ULK4: variants seen among roughly 807,000 people sequenced by gnomAD.
ULK4 encodes the protein unc-51 like kinase 4, also known as inactive serine/threonine-protein kinase ULK4.
In ULK4, 133 loss-of-function variants were observed where a neutral mutation model predicts 160.6. The observed-to-expected ratio is 0.83, with a 90% confidence interval of 0.72 to 0.96. ULK4 has a LOEUF of 0.96. Ranked by LOEUF, ULK4 falls within the 40% of genes least tolerant of loss-of-function variation. The pLI, the probability that ULK4 is intolerant of heterozygous loss-of-function variation, is 0.00. For missense variants in ULK4, 1,580 were observed against 1,499.5 expected (o/e 1.05, Z -0.89); for synonymous variants, 534 against 539.8 (o/e 0.99, Z 0.15).
At chr3:41,377,083 T>A (rs958247398) in intron 35 of ULK4, among the ~76,000 whole-genome samples, 2 of 151,980 alleles carry the variant, frequency 1.3e-5, no homozygotes, top group African/African-American at 4.8e-5. Flanking sequence ...TATCTACAAC[T>A]ATCTGATCTT....
chr3:41,947,851 C>G (rs1003985668), intron 2 of ULK4, among the ~76,000 whole-genome samples: 1 of 152,068 alleles, frequency 6.6e-6, no homozygotes, highest in South Asian at 2.1e-4. Context: ...ATCATTTCGC[C>G]CTCTAACACA....
At chr3:41,806,700 G>A (rs1439630366) in intron 19 of ULK4, among the ~76,000 whole-genome samples, 1 of 151,924 alleles carries the variant, frequency 6.6e-6, no homozygotes, top group East Asian at 1.9e-4. Context: ...GTTCTCGTTG[G>A]TTTCAAAGAA....
chr3:41,635,223 C>T (rs2033900831), intron 30 of ULK4, among the ~76,000 whole-genome samples: 1 of 151,970 alleles, frequency 6.6e-6, no homozygotes, highest in African/African-American at 2.4e-5. Context: ...TACTAAGAAA[C>T]AAAAATAAGA....
intron 35 of ULK4, among the ~76,000 whole-genome samples, chr3:41,351,159 G>C (rs2125761312): frequency 6.6e-6 from 1 of 152,240 alleles, no homozygotes; most frequent in Non-Finnish European, 1.5e-5. Flanking sequence ...CAAACTTCTG[G>C]GTAGCACAGA....
chr3:41,955,345 T>TA (rs2148846690), intron 1 of ULK4: 1 of 152,800 alleles, frequency 6.5e-6, no homozygotes, highest in East Asian at 1.9e-4. Context: ...CAAGATGTTT[T>TA]AAAAACACAG....
At chr3:41,761,213 G>A (rs2038971450) in intron 21 of ULK4, among the ~76,000 whole-genome samples, 1 of 151,562 alleles carries the variant, frequency 6.6e-6, no homozygotes, top group Non-Finnish European at 1.5e-5. Flanking sequence ...ATAGAACTGA[G>A]TCCCCATGGA....
chr3:41,418,443 C>G (rs982613262), intron 34 of ULK4, among the ~76,000 whole-genome samples: 1 of 151,542 alleles, frequency 6.6e-6, no homozygotes, highest in African/African-American at 2.4e-5. Context: ...TAAAAGTCCA[C>G]GTAGAAGTGG....
chr3:41,605,504 T>C (rs1181196500), intron 31 of ULK4, among the ~76,000 whole-genome samples: 1 of 151,940 alleles, frequency 6.6e-6, no homozygotes, highest in Non-Finnish European at 1.5e-5. Flanking sequence ...TACCCAGGGA[T>C]AAAAAGGGTC....
At chr3:41,343,299 T>TA (rs2080725889) in intron 35 of ULK4, among the ~76,000 whole-genome samples, 1 of 116,532 alleles carries the variant, frequency 8.6e-6, no homozygotes, top group Non-Finnish European at 1.7e-5. Context: ...CAAAAACTTT[T>TA]TTTTTTTTTT....
At chr3:41,648,277 G>A (rs1033938605) in intron 30 of ULK4, among the ~76,000 whole-genome samples, 6 of 152,108 alleles carry the variant, frequency 3.9e-5, no homozygotes, top group African/African-American at 7.2e-5. Context: ...AGAAATCACC[G>A]GTCTTCTGTG....
intron 32 of ULK4, among the ~76,000 whole-genome samples, chr3:41,558,469 C>T (rs1302532192): frequency 2.0e-5 from 3 of 152,008 alleles, no homozygotes; most frequent in African/African-American, 7.2e-5. Context: ...CTTTGAGAGG[C>T]CAAGGTGGCA....
chr3:41,511,261 C>A (rs563126696), intron 32 of ULK4, among the ~76,000 whole-genome samples: 1 of 150,322 alleles, frequency 6.7e-6, no homozygotes, highest in South Asian at 2.1e-4. Context: ...CAAACCAAAA[C>A]ACAGCAGAAG....
intron 7 of ULK4, among the ~76,000 whole-genome samples, chr3:41,916,315 T>C (rs1354891672): frequency 6.6e-6 from 1 of 152,180 alleles, no homozygotes; most frequent in East Asian, 1.9e-4. Context: ...TTAACAAACC[T>C]CTAAGCCTTC....
chr3:41,681,605 G>A lies in ULK4; in HGVS notation c.2881C>T (p.Leu961=). The A allele has an allele frequency of 6.2e-7, 1 of 1,613,912 alleles. No homozygotes were observed. Among genetic ancestry groups the A allele is most frequent in the Non-Finnish European group, 8.5e-7 (1 of 1,179,972 alleles). ...TCCCCAAACTCCTGGTTCACGAGTA[G>A]AGATGTGGTTTCTGAGAGCAACCGC... is the stretch of plus-strand genomic sequence containing the variant. ...SLRLLSETTS[L]LVNQEFGDGK... The change falls in exon 29 of 37, where the codon CTA becomes TTA. Residue 961 remains leucine (L), a synonymous_variant. Coordinates refer to ENST00000301831, the MANE Select transcript of ULK4 (RefSeq NM_017886.4).
chr3:41,394,823 G>A (rs2125811140), intron 35 of ULK4, among the ~76,000 whole-genome samples: 1 of 152,156 alleles, frequency 6.6e-6, no homozygotes, highest in Non-Finnish European at 1.5e-5. Flanking sequence ...AACACTGACT[G>A]ACCCAGGGTA....
chr3:41,521,512 A>G (rs566425808), intron 32 of ULK4, among the ~76,000 whole-genome samples: 30 of 152,010 alleles, frequency 2.0e-4, no homozygotes, highest in Middle Eastern at 6.9e-3. Context: ...CTTTGTAACA[A>G]TGACTCTAAG....
intron 21 of ULK4, among the ~76,000 whole-genome samples, chr3:41,771,955 C>G (rs1451452675): frequency 2.0e-5 from 3 of 152,100 alleles, no homozygotes; most frequent in Non-Finnish European, 4.4e-5. Context: ...AGCCTCTGTC[C>G]TGCCTCTCCC....
At chr3:41,774,524 T>A (rs1158404011) in intron 21 of ULK4, among the ~76,000 whole-genome samples, 1 of 148,642 alleles carries the variant, frequency 6.7e-6, no homozygotes, top group African/African-American at 2.6e-5. Flanking sequence ...CACAATGAGA[T>A]ACCATCTCAC....
intron 35 of ULK4, among the ~76,000 whole-genome samples, chr3:41,311,877 C>CATATATATATATAT (rs143621818): frequency 9.5e-5 from 14 of 146,640 alleles, no homozygotes; most frequent in Admixed American, 2.7e-4. Flanking sequence ...AAACTCTCCT[C>CATATATATATATAT]ATATATATAT....
Sources: allele counts gnomAD v4.1 joint callset (sites outside exome capture counted in the v4.1 genomes callset), GRCh38; gene constraint gnomAD v4.1.1; transcripts MANE v1.5; gene names NCBI Gene and HGNC (gene_info 2026-07-23, HGNC 2026-07-21).